The following CSMD1 variants were observed in gnomAD, a reference collection of about 807,000 sequenced individuals.
CSMD1 encodes CUB and Sushi multiple domains 1.
Under a neutral mutation model 417.5 loss-of-function variants are expected in CSMD1, and 213 were observed. The observed-to-expected ratio is 0.51, with a 90% CI of 0.46 to 0.57. CSMD1 has a LOEUF of 0.57. Among genes scored for constraint, CSMD1 ranks in the 20% least tolerant of loss-of-function variants. The pLI is 0.00. For missense variants in CSMD1, 6,923 were observed against 4,529.7 expected (o/e 1.53, Z -15.17); for synonymous variants, 2,862 against 1,736.8 (o/e 1.65, Z -16.11).
intron 2 of CSMD1, among the ~76,000 whole-genome samples, chr8:4,543,852 A>C (rs1441001962): frequency 6.6e-6 from 1 of 151,936 alleles, no homozygotes; most frequent in Non-Finnish European, 1.5e-5. Context: ...GTATCTGATT[A>C]TTGTTTCAAT....
intron 55 of CSMD1, among the ~76,000 whole-genome samples, chr8:2,975,634 C>A (rs548596196): frequency 6.6e-6 from 1 of 152,150 alleles, no homozygotes; most frequent in African/African-American, 2.4e-5. Flanking sequence ...CCAGTGAGAC[C>A]TGAAACAGTG....
chr8:4,023,247 G>A lies in CSMD1; in HGVS notation c.610+8658C>T, dbSNP rs146596416. ...GAAAGGTGGCCATCTCCAAATCACCGCTGCGCATAAAAACATCTGAACCAA... is the reference window on the plus strand; with the variant it reads ...GAAAGGTGGCCATCTCCAAATCACCACTGCGCATAAAAACATCTGAACCAA... On this transcript the variant is annotated intron_variant, in intron 4 of 69. Transcript: ENST00000635120. Among the ~76,000 whole-genome samples, 1,156 of 152,230 alleles carry A rather than the reference G, an allele frequency of 7.6e-3. 15 individuals carry two copies. The highest frequency in any genetic ancestry group is 0.027 in the African/African-American group (1,121 of 41,532).
chr8:3,784,631 C>A (rs1799349493), intron 5 of CSMD1, among the ~76,000 whole-genome samples: 1 of 152,190 alleles, frequency 6.6e-6, no homozygotes, highest in Admixed American at 6.5e-5. Flanking sequence ...ATGAATAAAT[C>A]AATAAATAGA....
chr8:4,565,777 T>C (rs866554171), intron 2 of CSMD1, among the ~76,000 whole-genome samples: 5 of 42,736 alleles, frequency 1.2e-4, no homozygotes, highest in Non-Finnish European at 2.6e-4. Context: ...TATATATATA[T>C]ATATATATAT....
chr8:4,705,059 G>C (rs558718579), intron 1 of CSMD1, among the ~76,000 whole-genome samples: 1 of 152,110 alleles, frequency 6.6e-6, no homozygotes, highest in African/African-American at 2.4e-5. Flanking sequence ...ATGCTAGTGG[G>C]TGAGTTCTCA....
intron 5 of CSMD1, among the ~76,000 whole-genome samples, chr8:3,789,300 A>C (rs970365793): frequency 6.6e-6 from 1 of 151,024 alleles, no homozygotes; most frequent in Admixed American, 6.6e-5. Flanking sequence ...TTCCCAGTTT[A>C]TATTTATTGT....
intron 68 of CSMD1, among the ~76,000 whole-genome samples, chr8:2,945,979 C>T (rs968275084): frequency 1.3e-4 from 20 of 152,184 alleles, no homozygotes; most frequent in Admixed American, 6.5e-4. Context: ...GGGATACATT[C>T]TGAGAAATGC....
chr8:4,323,068 G>A (rs964021148), intron 3 of CSMD1, among the ~76,000 whole-genome samples: 5 of 150,518 alleles, frequency 3.3e-5, no homozygotes, highest in South Asian at 2.2e-4. Context: ...TACAAATAGA[G>A]AGTTAAGCAG....
At chr8:3,365,365 T>G (rs1163183893) in intron 20 of CSMD1, among the ~76,000 whole-genome samples, 1 of 152,212 alleles carries the variant, frequency 6.6e-6, no homozygotes, top group Non-Finnish European at 1.5e-5. Context: ...CAGAGCATCT[T>G]AAAATCCCCA....
intron 11 of CSMD1, among the ~76,000 whole-genome samples, chr8:3,470,962 C>T (rs949317730): frequency 1.3e-5 from 2 of 152,068 alleles, no homozygotes; most frequent in African/African-American, 2.4e-5. Context: ...TGGCAGATGA[C>T]ACCTAAAGCT....
intron 30 of CSMD1, among the ~76,000 whole-genome samples, chr8:3,207,350 G>A (rs904245458): frequency 3.4e-5 from 5 of 149,170 alleles, no homozygotes; most frequent in African/African-American, 1.2e-4. Flanking sequence ...ATATGATGTT[G>A]GTCAGGCTGG....
chr8:4,992,542 C>T (rs941679302), intron 1 of CSMD1, among the ~76,000 whole-genome samples: 1 of 152,130 alleles, frequency 6.6e-6, no homozygotes, highest in African/African-American at 2.4e-5. Flanking sequence ...CGCAGGGGCT[C>T]GGCTGGAAAA....
intron 10 of CSMD1, among the ~76,000 whole-genome samples, chr8:3,564,022 G>C (rs1197024588): frequency 1.3e-5 from 2 of 151,954 alleles, no homozygotes; most frequent in Admixed American, 6.6e-5. Context: ...CTTTTATTTT[G>C]ATTTGTAGTT....
At chr8:3,087,459 C>G (rs1245328590) in intron 48 of CSMD1, among the ~76,000 whole-genome samples, 174 bp from the exon 49 acceptor site, 2 of 152,134 alleles carry the variant, frequency 1.3e-5, no homozygotes, top group Admixed American at 6.5e-5. Flanking sequence ...GTCTAAGAGG[C>G]AAGTCTCTTA....
chr8:3,212,825 T>TG (rs931898604), intron 30 of CSMD1, among the ~76,000 whole-genome samples: 1 of 129,880 alleles, frequency 7.7e-6, no homozygotes, highest in African/African-American at 3.0e-5. Flanking sequence ...TTTAGTTTCT[T>TG]ATATACTTTT....
At chr8:4,412,298 T>A (rs890955493) in intron 3 of CSMD1, among the ~76,000 whole-genome samples, 1 of 152,100 alleles carries the variant, frequency 6.6e-6, no homozygotes, top group South Asian at 2.1e-4. Flanking sequence ...ATCCTCTCGG[T>A]TGCTCTCCTG....
intron 18 of CSMD1, 76 bp from the exon 19 acceptor site, chr8:3,369,446 G>A: frequency 1.4e-6 from 1 of 717,048 alleles, no homozygotes; most frequent in Non-Finnish European, 2.4e-6. Flanking sequence ...TGGTTAAATG[G>A]CATGCAATTT....
intron 2 of CSMD1, among the ~76,000 whole-genome samples, chr8:4,445,980 T>C (rs1432368613): frequency 6.6e-6 from 1 of 152,134 alleles, no homozygotes; most frequent in African/African-American, 2.4e-5. Flanking sequence ...ATAGCAACAA[T>C]GTCAGTGCCT....
rs1174481716 is a variant in CSMD1 at position 4,973,117 on chromosome 8, G to A, written c.85+21215C>T. 2.0e-5 allele frequency among the ~76,000 whole-genome samples: 3 copies of A among 152,088 alleles called. No homozygotes were observed. In the East Asian group the frequency reaches 5.8e-4, roughly 29 times the overall value. On this transcript the variant is annotated intron_variant, in intron 1 of 69. Coordinates refer to ENST00000635120, the MANE Select transcript of CSMD1 (RefSeq NM_033225.6). ...AAAGGAAACTCATGCTACTGTATAG[G>A]TATTAAATATAAAACACACCAAGAA...
Sources: gnomAD v4.1 joint callset for allele counts (sites outside exome capture counted in the v4.1 genomes callset) on GRCh38, gnomAD v4.1.1 for gene constraint, MANE v1.5 for transcripts, NCBI Gene and HGNC (gene_info 2026-07-23, HGNC 2026-07-21) for gene names.